Variants in WFDC8 observed in about 807,000 individuals in gnomAD.
WFDC8 encodes WAP four-disulfide core domain 8, also known as WAP four-disulfide core domain protein 8.
WFDC8 carries 24 observed loss-of-function variants against 27.0 expected under a neutral mutation model. That is an observed-to-expected ratio of 0.89 (90% CI 0.64 to 1.25). The LOEUF (loss-of-function observed/expected upper bound fraction) is 1.25. Ranked by LOEUF, WFDC8 falls within the 50% of genes most tolerant of loss-of-function variation. WFDC8 has a pLI of 0.00. For synonymous variants in WFDC8, 106 were observed against 99.7 expected (o/e 1.06, Z -0.38); for missense variants, 287 against 295.9 (o/e 0.97, Z 0.22).
chr20:45,573,299 A>G (rs903315716), intron 1 of WFDC8, among the ~76,000 whole-genome samples: 2 of 152,158 alleles, frequency 1.3e-5, no homozygotes, highest in Non-Finnish European at 2.9e-5. Flanking sequence ...TTTTAAATAT[A>G]TGCATATTTT....
chr20:45,562,114 G>T lies in WFDC8; in HGVS notation c.132C>A (p.Ile44=). 6.2e-7 allele frequency: 1 copy of T among 1,613,910 alleles called. No individual in the cohort carries two copies. Among genetic ancestry groups the T allele is most frequent in the Non-Finnish European group, 8.5e-7 (1 of 1,179,840 alleles). ...CTGCAGCTTTTTTGAACTCACGTTT[G>T]ATCTTCTTGGTCAGCATTGCAGAAG... ...EWTSAMLTKK[I]KHKPGLCPKE... The change falls in exon 2 of 6, where the codon ATC becomes ATA. Residue 44 remains isoleucine, a synonymous_variant. Coordinates refer to ENST00000289953, the MANE Select transcript of WFDC8 (RefSeq NM_130896.3).
chr20:45,566,149 A>G (rs1247393866), intron 1 of WFDC8, among the ~76,000 whole-genome samples: 1 of 152,080 alleles, frequency 6.6e-6, no homozygotes, highest in Non-Finnish European at 1.5e-5. Flanking sequence ...AAGCCTTTTT[A>G]GTTAACTTTC....
chr20:45,555,723 G>A lies in WFDC8; in HGVS notation c.423C>T (p.Cys141=). 2 of 1,612,602 alleles carry A rather than the reference G, an allele frequency of 1.2e-6. No individual in the cohort carries two copies. The highest frequency in any genetic ancestry group is 1.7e-6 in the Non-Finnish European group (2 of 1,180,000). The part of the protein sequence containing the change: ...NANNFLNEDA[C]RTACMLIVKD... ...CACCAATTAACATGCAGGCCGTTCT[G>A]CAGGCATCCTCATTTAAGAAGTTGT... is the stretch of plus-strand genomic sequence containing the variant. The change falls in exon 4 of 6, where the codon TGC becomes TGT. Residue 141 remains cysteine (C), a synonymous_variant. Transcript: ENST00000289953.
rs1028352501 is a variant in WFDC8, at chr20:45,552,291, A to G, written c.587-126T>C. The stretch of plus-strand genomic sequence containing the variant: ...TTAAGCTTCTTACCTTTCCCCCTAC[A>G]GTAACAATAGACTGGAGGAGGCAGA... On this transcript the variant is annotated intron_variant, in intron 5 of 5. Transcript: ENST00000289953. 246 of 1,133,856 alleles carry G rather than the reference A, an allele frequency of 2.2e-4. 1 individual carries two copies. The highest frequency in any genetic ancestry group is 5.6e-5 in the Non-Finnish European group (45 of 797,888). 70.2% of individuals were successfully genotyped at this position (1,133,856 alleles called of 1,614,324 possible). A position where few individuals can be genotyped will look rare whatever the true frequency, so the allele number is the denominator to read the frequency against.
At chr20:45,575,258 T>C (rs1981004082) in intron 1 of WFDC8, among the ~76,000 whole-genome samples, 1 of 152,184 alleles carries the variant, frequency 6.6e-6, no homozygotes, top group East Asian at 1.9e-4. Flanking sequence ...CATGATCCTA[T>C]ATATAGAAAA....
chr20:45,565,901 A>G (rs539611914), intron 1 of WFDC8, among the ~76,000 whole-genome samples: 14 of 152,230 alleles, frequency 9.2e-5, no homozygotes, highest in African/African-American at 3.4e-4. Flanking sequence ...TGTGCCATCA[A>G]GTTTTTTAAA....
At chr20:45,553,034 C>A in intron 5 of WFDC8, 102 bp downstream of exon 5, 1 of 1,428,370 alleles carries the variant, frequency 7.0e-7, no homozygotes, top group South Asian at 1.4e-5. Flanking sequence ...AAGATGAGCC[C>A]AAGGAGCATC....
chr20:45,555,894 G>A, intron 3 of WFDC8, 26 bp from the exon 4 acceptor site: 1 of 1,608,842 alleles, frequency 6.2e-7, no homozygotes, highest in Non-Finnish European at 8.5e-7. Flanking sequence ...AAGGAAAGAA[G>A]GATATGAAGA....
intron 1 of WFDC8, among the ~76,000 whole-genome samples, chr20:45,564,497 C>T (rs1456804488): frequency 6.6e-6 from 1 of 152,014 alleles, no homozygotes; most frequent in East Asian, 1.9e-4. Flanking sequence ...CGGTGAAATC[C>T]CGTCTATACT....
intron 2 of WFDC8, among the ~76,000 whole-genome samples, chr20:45,561,462 C>T (rs540838079): frequency 6.6e-6 from 1 of 152,326 alleles, no homozygotes; most frequent in Admixed American, 6.5e-5. Flanking sequence ...CGCATCTTGA[C>T]ATTTGGCATC....
rs767000054 is a variant in WFDC8 at position 45,552,156 on chromosome 20, C to A, written c.596G>T (p.Gly199Val). 3 of 1,613,440 alleles carry A rather than the reference C, an allele frequency of 1.9e-6. No homozygotes were observed. Among genetic ancestry groups the A allele is most frequent in the Non-Finnish European group, 1.7e-6 (2 of 1,179,830 alleles). ...TAGCAAGGGCTTGCGTGGGCAGAAA[C>A]CTTTTTTGACTTTATGGGGTAAAAG... ...VCARAWTVKK[G>V]FCPRKPLLCT... Residue 199 changes from glycine (G) to valine (V), a missense_variant, in exon 6 of 6, where the codon GGT becomes GTT. Gly to Val is a moderately radical substitution (Grantham distance 109, BLOSUM62 -3). Transcript: ENST00000289953.
Position 45,578,473 on chromosome 20 carries a change from T to A in WFDC8, c.26+749A>T, listed in dbSNP as rs150476067. Among the ~76,000 whole-genome samples the A allele has an allele frequency of 2.4e-3, 368 of 151,542 alleles. 6 individuals are homozygous for A. Among genetic ancestry groups the A allele is most frequent in the African/African-American group, 8.4e-3 (350 of 41,484 alleles). On this transcript the variant is annotated intron_variant, in intron 1 of 5. Coordinates refer to ENST00000289953, the MANE Select transcript of WFDC8 (RefSeq NM_130896.3). ...TGGGACCAAGACAAAAGAAGCAGCC[T>A]CTATGTGGATTAGGCCCCTTCTCCT...
chr20:45,574,856 T>C (rs540475361), intron 1 of WFDC8, among the ~76,000 whole-genome samples: 1 of 152,368 alleles, frequency 6.6e-6, no homozygotes, highest in Middle Eastern at 3.4e-3. Flanking sequence ...ATCCCTTGGA[T>C]GCAAGGATGG....
intron 1 of WFDC8, among the ~76,000 whole-genome samples, chr20:45,562,462 C>G (rs771749297): frequency 2.0e-5 from 3 of 152,230 alleles, no homozygotes; most frequent in Non-Finnish European, 4.4e-5. Flanking sequence ...TTGTGCCACA[C>G]AGACACTTGC....
At chr20:45,568,811 A>G (rs1035862434) in intron 1 of WFDC8, 4 of 369,496 alleles carry the variant, frequency 1.1e-5, no homozygotes, top group African/African-American at 8.2e-5. Context: ...AAGACATAAT[A>G]GGATAGTGAG....
At chr20:45,564,801 C>G (rs371980916) in intron 1 of WFDC8, among the ~76,000 whole-genome samples, 1 of 151,522 alleles carries the variant, frequency 6.6e-6, no homozygotes, top group East Asian at 1.9e-4. Flanking sequence ...ATGATCATGC[C>G]CCTGCACTTC....
At chr20:45,556,714 G>T (rs946366952) in intron 3 of WFDC8, among the ~76,000 whole-genome samples, 1 of 152,166 alleles carries the variant, frequency 6.6e-6, no homozygotes, top group African/African-American at 2.4e-5. Flanking sequence ...ATAGGTGGGT[G>T]CCTCATGAAC....
chr20:45,552,076 C>T lies in WFDC8; in HGVS notation c.676G>A (p.Glu226Lys). 6.2e-7 allele frequency: 1 copy of T among 1,614,158 alleles called. No homozygotes were observed. Among genetic ancestry groups the T allele is most frequent in the Non-Finnish European group, 8.5e-7 (1 of 1,179,984 alleles). Residue 226 changes from glutamate (E) to lysine (K), a missense_variant, in exon 6 of 6, where the codon GAA becomes AAA. Physicochemically the swap from Glu to Lys is moderately conservative, Grantham distance 56. Coordinates refer to ENST00000289953, the MANE Select transcript of WFDC8 (RefSeq NM_130896.3). The stretch of plus-strand genomic sequence containing the variant: ...AGTCCACAATGTGAGCAGCACTTTT[C>T]CACCAATGGGCACTCCTCATCCTGC... ...CLQDEECPLV[E>K]KCCSHCGLKC...
chr20:45,554,047 C>T (rs1033799366), intron 4 of WFDC8, among the ~76,000 whole-genome samples: 1 of 152,062 alleles, frequency 6.6e-6, no homozygotes, highest in African/African-American at 2.4e-5. Context: ...CTCAACGAAG[C>T]CTCAATTTCC....
Sources: gnomAD v4.1 joint callset for allele counts (sites outside exome capture counted in the v4.1 genomes callset) on GRCh38, gnomAD v4.1.1 for gene constraint, MANE v1.5 for transcripts, NCBI Gene and HGNC (gene_info 2026-07-23, HGNC 2026-07-21) for gene names.